DPP6: variants seen among roughly 807,000 people sequenced by gnomAD.
DPP6 encodes the protein A-type potassium channel modulatory protein DPP6.
A neutral mutation model predicts 122.6 loss-of-function variants in DPP6; 69 were observed. That is an observed-to-expected ratio of 0.56 (90% confidence interval 0.46 to 0.69). DPP6 has a LOEUF of 0.69. DPP6 is among the 30% of genes least tolerant of loss of function. DPP6 has a pLI of 0.00. For synonymous variants in DPP6, 418 were observed against 433.1 expected, an observed-to-expected ratio of 0.97 and a Z score of 0.43; for missense variants, 928 against 1,116.9, an observed-to-expected ratio of 0.83 and a Z score of 2.41.
intron 1 of DPP6, among the ~76,000 whole-genome samples, chr7:154,437,626 A>G (rs1818979581): frequency 6.6e-6 from 1 of 152,198 alleles, no homozygotes; most frequent in Non-Finnish European, 1.5e-5. Flanking sequence ...AAATTAGCAA[A>G]TTAGTTATTT....
At chr7:154,040,280 A>T (rs1429673907) in intron 1 of DPP6, among the ~76,000 whole-genome samples, 1 of 144,100 alleles carries the variant, frequency 6.9e-6, no homozygotes, top group Non-Finnish European at 1.5e-5. Flanking sequence ...AGGAGAATAA[A>T]AGAGAAATCC....
the DPP6 span, among the ~76,000 whole-genome samples, chr7:153,881,871 A>C: frequency 2.5e-4 from 38 of 152,192 alleles, no homozygotes; most frequent in East Asian, 7.2e-3. Flanking sequence ...GCTTTCTTTC[A>C]TATTTGCCTA....
intron 16 of DPP6, among the ~76,000 whole-genome samples, chr7:154,820,235 C>T (rs188286573): frequency 1.5e-4 from 23 of 152,312 alleles, no homozygotes; most frequent in Non-Finnish European, 1.8e-4. Flanking sequence ...TCAGACCGAG[C>T]GCCTGGGAAG....
chr7:154,350,410 C>T lies in DPP6; in HGVS notation c.244-95804C>T, dbSNP rs192832448. On this transcript the variant is annotated intron_variant, in intron 1 of 25. Coordinates refer to ENST00000377770, the MANE Select transcript of DPP6 (RefSeq NM_130797.4). Reference sequence around the variant, plus strand: ...ACAGAGGATTCTGTCCTGGATCACACGCAAACCCAGCCTTCATGGAGCTTG... The same window carrying T: ...ACAGAGGATTCTGTCCTGGATCACATGCAAACCCAGCCTTCATGGAGCTTG... Among the ~76,000 whole-genome samples, 300 of 152,208 alleles carry T rather than the reference C, an allele frequency of 2.0e-3. 3 individuals are homozygous for T. The highest frequency in any genetic ancestry group is 6.5e-3 in the African/African-American group (271 of 41,530).
the DPP6 span, among the ~76,000 whole-genome samples, chr7:153,763,144 C>G: frequency 6.6e-6 from 1 of 152,124 alleles, no homozygotes; most frequent in Non-Finnish European, 1.5e-5. Flanking sequence ...TTTCCTGATG[C>G]AGTCATGTGA....
chr7:154,746,777 A>T lies in DPP6; in HGVS notation c.883+18890A>T, dbSNP rs185040383. Among the ~76,000 whole-genome samples the T allele has an allele frequency of 1.8e-3, 273 of 152,348 alleles. 1 individual carries two copies. Among genetic ancestry groups the T allele is most frequent in the African/African-American group, 5.9e-3 (244 of 41,594 alleles). ...GATTTCCTGCCAACTATTTCACAAA[A>T]ACAAACAGAAGATTCATTGAGAGAA... On this transcript the variant is annotated intron_variant, in intron 8 of 25. Transcript: ENST00000377770.
chr7:153,820,571 C>T, the DPP6 span, among the ~76,000 whole-genome samples: 4 of 151,980 alleles, frequency 2.6e-5, no homozygotes, highest in South Asian at 4.2e-4. Context: ...AAGGCATCCC[C>T]GGATGTTTTG....
intron 5 of DPP6, chr7:154,588,053 G>A: frequency 6.2e-7 from 1 of 1,608,666 alleles, no homozygotes; most frequent in Middle Eastern, 1.7e-4. Flanking sequence ...AGCAGCTACA[G>A]GCAGATTTCG....
At chr7:154,684,185 T>TC (rs1839456987) in intron 7 of DPP6, among the ~76,000 whole-genome samples, 1 of 151,904 alleles carries the variant, frequency 6.6e-6, no homozygotes, top group Non-Finnish European at 1.5e-5. Context: ...ACACTCTTAA[T>TC]CCCCCACCCC....
chr7:154,080,579 T>A lies in DPP6; in HGVS notation c.243+27516T>A, dbSNP rs369462833. Among the ~76,000 whole-genome samples, 17 of 152,326 alleles carry A rather than the reference T, an allele frequency of 1.1e-4. No individual in the cohort carries two copies. In the South Asian group the frequency reaches 3.3e-3, roughly 30 times the overall value. On this transcript the variant is annotated intron_variant, in intron 1 of 25. Transcript: ENST00000377770. Reference sequence around the variant, plus strand: ...GCTGGAGCACATATGCTTTTCCCTATGGTAGATAAGCCTTGGGTCTGGGAG... The same window carrying A: ...GCTGGAGCACATATGCTTTTCCCTAAGGTAGATAAGCCTTGGGTCTGGGAG...
chr7:153,789,007 C>A, the DPP6 span, among the ~76,000 whole-genome samples: 1 of 151,694 alleles, frequency 6.6e-6, no homozygotes, highest in Middle Eastern at 3.4e-3. Flanking sequence ...ACCTGAAAAT[C>A]TTCCATGGAC....
Position 154,669,422 on chromosome 7 carries a change from G to A in DPP6, c.743G>A (p.Gly248Asp). Residue 248 changes from glycine (G) to aspartate (D), a missense_variant, in exon 7 of 26, where the codon GGC becomes GAC. Gly to Asp is a moderately conservative substitution (Grantham distance 94). Transcript: ENST00000377770. ...GCAAAACTTCAGTATGCAGGATGGG[G>A]CCCTAAAGGCCAACAGCTGGTAAGC... is the stretch of plus-strand genomic sequence containing the variant. ...SNAKLQYAGW[G>D]PKGQQLIFIF... The A allele has an allele frequency of 6.4e-7, 1 of 1,554,770 alleles. No homozygotes were observed. The highest frequency in any genetic ancestry group is 8.7e-7 in the Non-Finnish European group (1 of 1,148,612).
chr7:154,316,327 T>G (rs2879063), intron 1 of DPP6, among the ~76,000 whole-genome samples: 128 of 152,122 alleles, frequency 8.4e-4, no homozygotes, highest in Middle Eastern at 3.4e-3. Flanking sequence ...CTTGCTGTGA[T>G]TCATCTCCAT....
chr7:154,500,753 T>A (rs565834808), intron 3 of DPP6, among the ~76,000 whole-genome samples: 1 of 152,236 alleles, frequency 6.6e-6, no homozygotes, highest in African/African-American at 2.4e-5. Flanking sequence ...AGCCTGAAAA[T>A]GGACTAATAC....
chr7:154,510,561 T>G (rs1825986013), intron 3 of DPP6, among the ~76,000 whole-genome samples: 1 of 151,794 alleles, frequency 6.6e-6, no homozygotes, highest in Admixed American at 6.6e-5. Flanking sequence ...TAGCCGGGTG[T>G]GATAGCAGGT....
the DPP6 span, among the ~76,000 whole-genome samples, chr7:153,880,724 A>G: frequency 6.6e-6 from 1 of 152,224 alleles, no homozygotes; most frequent in Non-Finnish European, 1.5e-5. Context: ...ACTGAGCTGG[A>G]TACCTGTGTA....
chr7:154,079,227 A>G (rs2533684), intron 1 of DPP6, among the ~76,000 whole-genome samples: 2 of 152,128 alleles, frequency 1.3e-5, no homozygotes, highest in Non-Finnish European at 2.9e-5. Context: ...CTTTCCACAC[A>G]ACTCCGTTTC....
chr7:154,019,605 A>T (rs984771605), intron 1 of DPP6, among the ~76,000 whole-genome samples: 3 of 152,190 alleles, frequency 2.0e-5, no homozygotes, highest in African/African-American at 7.2e-5. Context: ...TTACGAAGCA[A>T]GGAGCACATA....
intron 5 of DPP6, among the ~76,000 whole-genome samples, chr7:154,577,250 A>G (rs922398179): frequency 8.5e-5 from 13 of 152,056 alleles, no homozygotes. Context: ...CCCCCTGTCC[A>G]TCTTGCAGCG....
Sources: gnomAD v4.1 joint callset for allele counts (sites outside exome capture counted in the v4.1 genomes callset) on GRCh38, gnomAD v4.1.1 for gene constraint, MANE v1.5 for transcripts, NCBI Gene and HGNC (gene_info 2026-07-23, HGNC 2026-07-21) for gene names.